The following MYO1B variants were observed in gnomAD, a reference collection of about 807,000 sequenced individuals.
The protein encoded by MYO1B is unconventional myosin-Ib.
Under a neutral mutation model 159.7 loss-of-function variants are expected in MYO1B, and 72 were observed. That is an observed-to-expected ratio of 0.45 (90% CI 0.37 to 0.55). MYO1B has a LOEUF of 0.55. Ranked by LOEUF, MYO1B falls within the 20% of genes least tolerant of loss-of-function variation. MYO1B has a pLI of 0.00. For missense variants in MYO1B, 1,062 were observed against 1,364.8 expected (o/e 0.78, Z 3.50); for synonymous variants, 468 against 473.8 (o/e 0.99, Z 0.16).
chr2:191,313,191 G>GTTT (rs1690115126), intron 3 of MYO1B, among the ~76,000 whole-genome samples: 11 of 63,716 alleles, frequency 1.7e-4, no homozygotes, highest in Non-Finnish European at 3.0e-4. Flanking sequence ...GGCACACATG[G>GTTT]CTTTTTTTTT....
chr2:191,375,946 G>A (rs902467052), intron 13 of MYO1B, among the ~76,000 whole-genome samples: 8 of 148,812 alleles, frequency 5.4e-5, no homozygotes, highest in African/African-American at 1.8e-4. Flanking sequence ...GCAACAGAGC[G>A]AGACTCCGTA....
At chr2:191,286,359 C>T (rs575534907) in intron 2 of MYO1B, among the ~76,000 whole-genome samples, 2 of 151,582 alleles carry the variant, frequency 1.3e-5, no homozygotes, top group South Asian at 2.1e-4. Flanking sequence ...AAAAAAAGAC[C>T]GAGGCCCTCT....
At chr2:191,246,197 G>C (rs761946206) in intron 1 of MYO1B, 2 of 152,242 alleles carry the variant, frequency 1.3e-5, no homozygotes, top group Non-Finnish European at 2.9e-5. Flanking sequence ...GGTTGCCCTG[G>C]GTCTCGTTTC....
intron 2 of MYO1B, 99 bp downstream of exon 2, chr2:191,277,129 G>A: frequency 5.0e-6 from 7 of 1,410,548 alleles, no homozygotes; most frequent in Non-Finnish European, 6.7e-6. Context: ...TTTTCTCTCT[G>A]TTTGAGTCCA....
chr2:191,402,834 G>A (rs1472504155), intron 24 of MYO1B, 116 bp downstream of exon 24: 31 of 709,252 alleles, frequency 4.4e-5, no homozygotes, highest in Non-Finnish European at 6.6e-6. Context: ...CTTGTAGAAT[G>A]TCATCTTGCT....
chr2:191,397,931 G>T lies in MYO1B; in HGVS notation c.2295+1434G>T, dbSNP rs1175355634. Among the ~76,000 whole-genome samples the T allele has an allele frequency of 5.6e-3, 8 of 1,432 alleles. 1 individual carries two copies. The highest frequency in any genetic ancestry group is 0.02 in the Non-Finnish European group (8 of 408). 0.9% of individuals were successfully genotyped at this position (1,432 alleles called of 152,430 possible). ...GCGCCCCTCACCTCCCGGACAGGGC[G>T]GCTGGCCGGGCGGGCCGACCCCCCC... On this transcript the variant is annotated intron_variant, in intron 21 of 30. Transcript: ENST00000392318.
intron 3 of MYO1B, among the ~76,000 whole-genome samples, chr2:191,300,694 A>C: frequency 8.4e-6 from 1 of 119,734 alleles, no homozygotes; most frequent in Non-Finnish European, 1.6e-5. Context: ...GGCTGGTTTC[A>C]ACTTCTGGGC....
chr2:191,273,244 C>G (rs756153986), intron 1 of MYO1B, among the ~76,000 whole-genome samples: 1 of 152,134 alleles, frequency 6.6e-6, no homozygotes, highest in South Asian at 2.1e-4. Flanking sequence ...TCAACCTCCT[C>G]CTGAGTAGCT....
At chr2:191,295,104 A>C (rs1408454388) in intron 2 of MYO1B, among the ~76,000 whole-genome samples, 1 of 152,066 alleles carries the variant, frequency 6.6e-6, no homozygotes, top group Non-Finnish European at 1.5e-5. Flanking sequence ...TTCTTTTTAA[A>C]AGTTATATCG....
intron 18 of MYO1B, 130 bp from the exon 19 acceptor site, chr2:191,391,978 A>G (rs1695781804): frequency 1.7e-6 from 1 of 571,984 alleles, no homozygotes; most frequent in Admixed American, 3.0e-5. Flanking sequence ...TAAATGGATG[A>G]TTGCTGAAAG....
chr2:191,318,619 C>T (rs953211164), intron 3 of MYO1B, among the ~76,000 whole-genome samples: 2 of 152,172 alleles, frequency 1.3e-5, no homozygotes, highest in South Asian at 2.1e-4. Flanking sequence ...CCTGCAGATA[C>T]GTAGTAATAA....
At chr2:191,283,261 T>A (rs1273517839) in intron 2 of MYO1B, among the ~76,000 whole-genome samples, 1 of 152,258 alleles carries the variant, frequency 6.6e-6, no homozygotes, top group Non-Finnish European at 1.5e-5. Flanking sequence ...GTATAGGGCT[T>A]GAAATATTTG....
At chr2:191,400,112 C>T (rs1270047013) in intron 21 of MYO1B, among the ~76,000 whole-genome samples, 1 of 152,158 alleles carries the variant, frequency 6.6e-6, no homozygotes, top group East Asian at 1.9e-4. Context: ...TGTGTGCCAG[C>T]TTGTGGTGCT....
intron 2 of MYO1B, among the ~76,000 whole-genome samples, chr2:191,287,852 A>C (rs1037431448): frequency 6.1e-5 from 9 of 146,838 alleles, no homozygotes; most frequent in African/African-American, 2.2e-4. Flanking sequence ...GGCTCTCTAC[A>C]GTTTGATCTC....
chr2:191,422,305 A>G (rs1439616937), intron 30 of MYO1B, among the ~76,000 whole-genome samples: 2 of 152,200 alleles, frequency 1.3e-5, no homozygotes, highest in Non-Finnish European at 2.9e-5. Context: ...TGGCCCAGCG[A>G]TGCAGCTCTC....
At chr2:191,407,222 A>G (rs1696973239) in intron 24 of MYO1B, among the ~76,000 whole-genome samples, 1 of 152,258 alleles carries the variant, frequency 6.6e-6, no homozygotes, top group African/African-American at 2.4e-5. Flanking sequence ...ATAGAAGATT[A>G]CTAGCTTACA....
intron 17 of MYO1B, among the ~76,000 whole-genome samples, chr2:191,389,721 G>A (rs1252482012): frequency 6.6e-6 from 1 of 152,238 alleles, no homozygotes; most frequent in African/African-American, 2.4e-5. Context: ...CAGATATAGG[G>A]AGGAAACAGT....
chr2:191,342,424 CAT>C (rs540526266), intron 5 of MYO1B, among the ~76,000 whole-genome samples: 6 of 152,188 alleles, frequency 3.9e-5, no homozygotes, highest in Non-Finnish European at 7.3e-5. Flanking sequence ...CAGCCCATAA[CAT>C]CATCAGAAAA....
chr2:191,405,686 T>G (rs1361931573), intron 24 of MYO1B, among the ~76,000 whole-genome samples: 1 of 152,214 alleles, frequency 6.6e-6, no homozygotes, highest in Non-Finnish European at 1.5e-5. Flanking sequence ...TGCATGAATA[T>G]TTTGAAAGTT....
Sources: allele counts gnomAD v4.1 joint callset (sites outside exome capture counted in the v4.1 genomes callset), GRCh38; gene constraint gnomAD v4.1.1; transcripts MANE v1.5; gene names NCBI Gene and HGNC (gene_info 2026-07-23, HGNC 2026-07-21).